The following SEL1L3 variants were observed in gnomAD, a reference collection of about 807,000 sequenced individuals.
SEL1L3 encodes SEL1L family member 3.
Under a neutral mutation model 142.8 loss-of-function variants are expected in SEL1L3, and 76 were observed. That is an observed-to-expected ratio of 0.53 (90% CI 0.44 to 0.64). The LOEUF (loss-of-function observed/expected upper bound fraction) is 0.64. Among genes scored for constraint, SEL1L3 ranks in the 30% least tolerant of loss-of-function variants. The pLI is 0.00. For synonymous variants in SEL1L3, 504 were observed against 519.6 expected (o/e 0.97, Z 0.41); for missense variants, 1,262 against 1,381.7 (o/e 0.91, Z 1.37).
chr4:25,851,660 G>T lies in SEL1L3; in HGVS notation c.163-3796C>A, dbSNP rs1301519428. Among the ~76,000 whole-genome samples, 4 of 152,138 alleles carry T rather than the reference G, an allele frequency of 2.6e-5. No homozygotes were observed. The East Asian group carries it at 7.8e-4, about 29-fold the overall frequency. On this transcript the variant is annotated intron_variant, in intron 1 of 23. Transcript: ENST00000399878. ...AATCCCAGCACTTTGGGAGGCTGAG[G>T]TGGGCGGTTCACGAAGTCAAGAGAT...
the SEL1L3 span, among the ~76,000 whole-genome samples, chr4:25,740,012 G>T: frequency 6.6e-6 from 1 of 151,494 alleles, no homozygotes. Flanking sequence ...TGTCCAGGCT[G>T]GTCTCAAACT....
upstream of SEL1L3, chr4:25,863,560 G>C (rs1717908614): frequency 4.3e-6 from 3 of 702,082 alleles, no homozygotes; most frequent in Non-Finnish European, 7.8e-6. Context: ...GTGCCGCGCA[G>C]CTGCCCGGCT....
At chr4:25,836,984 A>G (rs1715868756) in intron 2 of SEL1L3, among the ~76,000 whole-genome samples, 1 of 152,170 alleles carries the variant, frequency 6.6e-6, no homozygotes, top group Non-Finnish European at 1.5e-5. Context: ...TCTCCCCAGT[A>G]GCCACAAATC....
the SEL1L3 span, among the ~76,000 whole-genome samples, chr4:25,716,291 T>C: frequency 1.3e-4 from 20 of 152,172 alleles, no homozygotes; most frequent in Non-Finnish European, 2.1e-4. Flanking sequence ...ATCAGGAAAC[T>C]ATATATTAAA....
chr4:25,806,478 C>G lies in SEL1L3; in HGVS notation c.1565-1726G>C, dbSNP rs148703032. ...TTAAGGGCAATTTCCTTGCAGAGGTCCATGCTAAAAATGGAAGTTGAGATC... is the reference window on the plus strand; with the variant it reads ...TTAAGGGCAATTTCCTTGCAGAGGTGCATGCTAAAAATGGAAGTTGAGATC... On this transcript the variant is annotated intron_variant, in intron 9 of 23. Transcript: ENST00000399878. Among the ~76,000 whole-genome samples, 419 of 152,182 alleles carry G rather than the reference C, an allele frequency of 2.8e-3. 7 individuals carry two copies. The highest frequency in any genetic ancestry group is 9.8e-3 in the African/African-American group (407 of 41,506).
chr4:25,730,664 T>C, the SEL1L3 span, among the ~76,000 whole-genome samples: 1 of 152,128 alleles, frequency 6.6e-6, no homozygotes, highest in African/African-American at 2.4e-5. Context: ...TGGTTTTGAC[T>C]TTGCTTCTGA....
chr4:25,862,553 G>T, intron 1 of SEL1L3, 122 bp downstream of exon 1: 3 of 461,328 alleles, frequency 6.5e-6, no homozygotes, highest in South Asian at 1.0e-4. Flanking sequence ...GCGCAGCGAC[G>T]AGGAAGAGAG....
In SEL1L3 at chr4:25,847,066, T is replaced by C. The variant is rs185287881; in HGVS notation, c.733+228A>G. Among the ~76,000 whole-genome samples the C allele has an allele frequency of 2.0e-5, 3 of 152,246 alleles. No individual in the cohort carries two copies. In the East Asian group the frequency reaches 5.8e-4, roughly 29 times the overall value. ...CAAAGTCCACCTTCCTCAGCTCCTC[T>C]GTTCTGTTCTTTCATCTTTGGTCCT... On this transcript the variant is annotated intron_variant, in intron 2 of 23. Transcript: ENST00000399878.
chr4:25,806,184 G>A (rs1713556186), intron 9 of SEL1L3, among the ~76,000 whole-genome samples: 1 of 151,502 alleles, frequency 6.6e-6, no homozygotes. Flanking sequence ...GACTACAGGC[G>A]CCCGCCAGCA....
At chr4:25,728,389 C>A in the SEL1L3 span, among the ~76,000 whole-genome samples, 7 of 152,268 alleles carry the variant, frequency 4.6e-5, no homozygotes, top group South Asian at 1.5e-3. Flanking sequence ...CTGGGTCATG[C>A]TAACCACCTG....
intron 15 of SEL1L3, among the ~76,000 whole-genome samples, chr4:25,781,470 T>G (rs1719996140): frequency 6.6e-6 from 1 of 152,182 alleles, no homozygotes; most frequent in South Asian, 2.1e-4. Flanking sequence ...AAACCTCATC[T>G]CTACTAAAAA....
intron 21 of SEL1L3, among the ~76,000 whole-genome samples, chr4:25,758,300 G>A (rs1199940539): frequency 2.0e-5 from 3 of 152,072 alleles, no homozygotes; most frequent in African/African-American, 7.2e-5. Flanking sequence ...GTGAAACCCT[G>A]TCTCTATTAA....
At chr4:25,748,926 C>T (rs1434591563) in intron 23 of SEL1L3, among the ~76,000 whole-genome samples, 1 of 152,136 alleles carries the variant, frequency 6.6e-6, no homozygotes, top group Non-Finnish European at 1.5e-5. Flanking sequence ...GATTCCAACA[C>T]TCTTCTGAAA....
At chr4:25,827,336 A>G (rs1359049449) in intron 6 of SEL1L3, among the ~76,000 whole-genome samples, 1 of 152,198 alleles carries the variant, frequency 6.6e-6, no homozygotes, top group East Asian at 1.9e-4. Flanking sequence ...CCCTAACCCA[A>G]TATGACTGAC....
intron 1 of SEL1L3, among the ~76,000 whole-genome samples, chr4:25,859,807 T>C (rs1190391310): frequency 6.6e-6 from 1 of 152,254 alleles, no homozygotes; most frequent in Non-Finnish European, 1.5e-5. Flanking sequence ...AAATATTTTC[T>C]GGCTTTACCT....
At chr4:25,769,682 T>C (rs138363439) in intron 17 of SEL1L3, among the ~76,000 whole-genome samples, 2 of 152,300 alleles carry the variant, frequency 1.3e-5, no homozygotes, top group African/African-American at 4.8e-5. Flanking sequence ...TTAGAGACAC[T>C]CTGGCCTGCA....
chr4:25,804,402 G>A, intron 10 of SEL1L3, 139 bp downstream of exon 10: 2 of 667,584 alleles, frequency 3.0e-6, no homozygotes, highest in South Asian at 1.8e-5. Context: ...CACAGCCCCA[G>A]GACATTTATC....
At chr4:25,805,598 T>C (rs1713504787) in intron 9 of SEL1L3, among the ~76,000 whole-genome samples, 1 of 152,176 alleles carries the variant, frequency 6.6e-6, no homozygotes, top group South Asian at 2.1e-4. Context: ...TGCTTCCTTT[T>C]ACATAATTCT....
intron 7 of SEL1L3, 32 bp downstream of exon 7, chr4:25,821,964 G>A: frequency 6.2e-7 from 1 of 1,605,418 alleles, no homozygotes; most frequent in Non-Finnish European, 8.5e-7. Flanking sequence ...TCACCCAGGA[G>A]TACCGCAATC....
Sources: allele counts gnomAD v4.1 joint callset (sites outside exome capture counted in the v4.1 genomes callset), GRCh38; gene constraint gnomAD v4.1.1; transcripts MANE v1.5; gene names NCBI Gene and HGNC (gene_info 2026-07-23, HGNC 2026-07-21).